Variants in PCDH15 observed in about 807,000 individuals in gnomAD.
PCDH15 encodes the protein protocadherin related 15.
PCDH15 carries 129 observed loss-of-function variants against 178.5 expected under a neutral mutation model. The observed-to-expected ratio is 0.72, with a 90% CI of 0.63 to 0.84. The LOEUF (loss-of-function observed/expected upper bound fraction) is 0.84, where lower values mean the gene tolerates loss of function less well. Ranked by LOEUF, PCDH15 falls within the 40% of genes least tolerant of loss-of-function variation. The pLI is 0.00. For synonymous variants in PCDH15, 800 were observed against 732.0 expected (o/e 1.09, Z -1.50); for missense variants, 2,230 against 2,099.9 (o/e 1.06, Z -1.21).
At chr10:54,909,716 G>T (rs772556289) in intron 2 of PCDH15, among the ~76,000 whole-genome samples, 1 of 152,110 alleles carries the variant, frequency 6.6e-6, no homozygotes, top group Admixed American at 6.6e-5. Context: ...AGGGGTGTCT[G>T]GGTCACAGCA....
chr10:54,945,928 A>G (rs117877309), intron 2 of PCDH15, among the ~76,000 whole-genome samples: 195 of 151,970 alleles, frequency 1.3e-3, no homozygotes, highest in Middle Eastern at 3.4e-3. Context: ...TTAAATAAAT[A>G]TTATGTGTGT....
intron 2 of PCDH15, among the ~76,000 whole-genome samples, chr10:55,159,151 G>A (rs1422800435): frequency 1.3e-5 from 2 of 151,838 alleles, no homozygotes; most frequent in East Asian, 3.9e-4. Flanking sequence ...TGACTGCAAA[G>A]TCCTTAAAAG....
At chr10:53,987,098 T>C (rs982945633) in intron 21 of PCDH15, among the ~76,000 whole-genome samples, 18 of 152,084 alleles carry the variant, frequency 1.2e-4, no homozygotes, top group African/African-American at 3.6e-4. Flanking sequence ...GAAAAGAATA[T>C]CTAAATATAT....
intron 2 of PCDH15, among the ~76,000 whole-genome samples, chr10:54,579,461 C>T (rs927736493): frequency 6.6e-6 from 1 of 152,134 alleles, no homozygotes; most frequent in Non-Finnish European, 1.5e-5. Flanking sequence ...TATGCACACA[C>T]TCAATATTGG....
At chr10:55,442,262 A>C (rs79740587) in intron 2 of PCDH15, among the ~76,000 whole-genome samples, 5,759 of 151,714 alleles carry the variant, frequency 0.038, 361 homozygotes, top group African/African-American at 0.13. Context: ...TTTTTAAGAA[A>C]TGATGATGGA....
intron 13 of PCDH15, among the ~76,000 whole-genome samples, chr10:54,158,846 G>A (rs1043108765): frequency 6.6e-6 from 1 of 152,046 alleles, no homozygotes; most frequent in Non-Finnish European, 1.5e-5. Flanking sequence ...TGTGGCTCAC[G>A]CTTGTAATTC....
At chr10:53,967,363 G>A (rs997930657) in intron 21 of PCDH15, among the ~76,000 whole-genome samples, 22 of 152,172 alleles carry the variant, frequency 1.4e-4, no homozygotes, top group African/African-American at 5.1e-4. Flanking sequence ...GTCTTGGACA[G>A]TTCTTTATAG....
At chr10:54,952,870 A>T (rs1042962336) in intron 2 of PCDH15, among the ~76,000 whole-genome samples, 1 of 151,614 alleles carries the variant, frequency 6.6e-6, no homozygotes, top group African/African-American at 2.4e-5. Flanking sequence ...CTATATTCAC[A>T]TATAGTTTCA....
intron 1 of PCDH15, among the ~76,000 whole-genome samples, chr10:54,735,011 A>C (rs1333346118): frequency 6.6e-6 from 1 of 151,984 alleles, no homozygotes; most frequent in African/African-American, 2.4e-5. Context: ...TTACTATATA[A>C]AATTCAGTTA....
At chr10:54,758,227 T>C (rs1350573585) in intron 1 of PCDH15, among the ~76,000 whole-genome samples, 3 of 152,204 alleles carry the variant, frequency 2.0e-5, no homozygotes, top group Non-Finnish European at 4.4e-5. Flanking sequence ...TATAATTTTT[T>C]ATTTGATTGT....
intron 2 of PCDH15, among the ~76,000 whole-genome samples, chr10:55,128,858 C>G (rs186864628): frequency 2.0e-5 from 3 of 152,086 alleles, no homozygotes; most frequent in African/African-American, 7.2e-5. Flanking sequence ...TGAGGCTTAA[C>G]GCTACTTGCA....
intron 2 of PCDH15, among the ~76,000 whole-genome samples, chr10:55,437,222 T>TATACCTGTAAC (rs1565138224): frequency 4.4e-3 from 159 of 36,550 alleles, no homozygotes; most frequent in African/African-American, 0.033. Context: ...CTCAATTTAA[T>TATACCTGTAAC]TGGAGAAATA....
At position 54,638,760 on chromosome 10, in the gene PCDH15, C is replaced by T. The variant is rs899119602; in HGVS notation, c.91+25412G>A. On this transcript the variant is annotated intron_variant, in intron 2 of 37. Coordinates refer to ENST00000644397, the MANE Select transcript of PCDH15 (RefSeq NM_001384140.1). ...GCGCATTTATTTGCAACACAATTCA[C>T]GACTGCAAAGATATGGAATCAATCT... Among the ~76,000 whole-genome samples the T allele has an allele frequency of 5.3e-5, 8 of 152,006 alleles. No homozygotes were observed. The South Asian group carries it at 6.2e-4, about 12-fold the overall frequency.
chr10:53,973,175 G>T (rs2089893324), intron 21 of PCDH15, among the ~76,000 whole-genome samples: 1 of 151,652 alleles, frequency 6.6e-6, no homozygotes, highest in African/African-American at 2.4e-5. Flanking sequence ...ATCATTCTGA[G>T]CAAAGTATTG....
chr10:54,974,558 C>T (rs1181290085), intron 2 of PCDH15, among the ~76,000 whole-genome samples: 1 of 151,608 alleles, frequency 6.6e-6, no homozygotes, highest in East Asian at 1.9e-4. Flanking sequence ...TATATTCAGG[C>T]AATGCATAAA....
chr10:55,377,145 C>T lies in PCDH15; in HGVS notation c.-155-210494G>A, dbSNP rs539909480. Reference sequence around the variant, plus strand: ...TAACTTTGTGATAACTCTTTCTTCACTAAAAAAAAAAAAAAAAAGAAAAGA... The same window carrying T: ...TAACTTTGTGATAACTCTTTCTTCATTAAAAAAAAAAAAAAAAAGAAAAGA... On this transcript the variant is annotated intron_variant, in intron 2 of 5. Coordinates refer to the PCDH15 transcript ENST00000613346. 4.3e-3 allele frequency among the ~76,000 whole-genome samples: 536 copies of T among 125,974 alleles called. 4 individuals carry two copies. Among genetic ancestry groups the T allele is most frequent in the African/African-American group, 0.013 (443 of 33,482 alleles). 82.6% of individuals were successfully genotyped at this position (125,974 alleles called of 152,430 possible).
At chr10:54,753,970 G>A (rs1482431857) in intron 1 of PCDH15, among the ~76,000 whole-genome samples, 1 of 136,792 alleles carries the variant, frequency 7.3e-6, no homozygotes, top group Non-Finnish European at 1.6e-5. Flanking sequence ...CACCACGGCC[G>A]GCTGATTTTT....
rs540423152 is a variant in PCDH15, at chr10:54,359,438, CACTT to C, written c.474+9678_474+9681del. On this transcript the variant is annotated intron_variant, in intron 5 of 37. Coordinates refer to ENST00000644397, the MANE Select transcript of PCDH15 (RefSeq NM_001384140.1). Reference sequence around the variant, plus strand: ...GAACTGTACACTTCTATTAAAATATCACTTAGGTCTAAATTGTTCTCATATTATT... The same window carrying C: ...GAACTGTACACTTCTATTAAAATATCAGGTCTAAATTGTTCTCATATTATT... 6.4e-3 allele frequency among the ~76,000 whole-genome samples: 967 copies of C among 151,964 alleles called. 13 individuals are homozygous for C. Among genetic ancestry groups the C allele is most frequent in the African/African-American group, 0.022 (914 of 41,494 alleles).
At chr10:54,794,478 T>C (rs1951764528) in intron 1 of PCDH15, among the ~76,000 whole-genome samples, 1 of 151,918 alleles carries the variant, frequency 6.6e-6, no homozygotes, top group African/African-American at 2.4e-5. Flanking sequence ...CTGAAATGTT[T>C]GCTGTCATTT....
Sources: gnomAD v4.1 joint callset for allele counts (sites outside exome capture counted in the v4.1 genomes callset) on GRCh38, gnomAD v4.1.1 for gene constraint, MANE v1.5 for transcripts, NCBI Gene and HGNC (gene_info 2026-07-23, HGNC 2026-07-21) for gene names.